SLC36A4: variants seen among roughly 807,000 people sequenced by gnomAD.
The protein encoded by SLC36A4 is neutral amino acid uniporter 4.
Under a neutral mutation model 50.5 loss-of-function variants are expected in SLC36A4, and 49 were observed. The ratio of observed to expected loss-of-function variants is 0.97; its 90% CI spans 0.77 to 1.23. The LOEUF is 1.23. Among genes scored for constraint, SLC36A4 ranks in the 50% most tolerant of loss-of-function variants. The probability of loss-of-function intolerance (pLI) is 0.00; values close to 1 mark genes in which losing one functional copy is unlikely to be tolerated. For missense variants in SLC36A4, 611 were observed against 608.4 expected, an observed-to-expected ratio of 1.00 and a Z score of -0.05; for synonymous variants, 207 against 206.5, an observed-to-expected ratio of 1.00 and a Z score of -0.02.
At chr11:93,158,892 C>T (rs1860489260) in intron 9 of SLC36A4, among the ~76,000 whole-genome samples, 2 of 151,888 alleles carry the variant, frequency 1.3e-5, no homozygotes, top group South Asian at 2.1e-4. Context: ...TTTGAGGGTA[C>T]AAAAAACATC....
At chr11:93,181,024 T>C (rs919029003) in intron 5 of SLC36A4, 143 bp from the exon 6 acceptor site, 4 of 627,100 alleles carry the variant, frequency 6.4e-6, no homozygotes, top group Non-Finnish European at 1.1e-5. Context: ...GAGCAGTTCA[T>C]GCCAAATCTA....
At chr11:93,184,351 T>C (rs1179735779) in intron 3 of SLC36A4, 79 bp downstream of exon 3, 16 of 861,694 alleles carry the variant, frequency 1.9e-5, no homozygotes, top group Admixed American at 4.1e-5. Flanking sequence ...AGGTTATATT[T>C]GACTAGGCCA....
intron 8 of SLC36A4, among the ~76,000 whole-genome samples, chr11:93,165,273 T>C (rs1209659659): frequency 6.6e-6 from 1 of 152,150 alleles, no homozygotes; most frequent in African/African-American, 2.4e-5. Flanking sequence ...GATTCTATTT[T>C]CCCCAAGTCT....
intron 3 of SLC36A4, among the ~76,000 whole-genome samples, chr11:93,183,311 T>G (rs1294124288): frequency 6.6e-6 from 1 of 152,230 alleles, no homozygotes; most frequent in Non-Finnish European, 1.5e-5. Flanking sequence ...GACTGCTTCT[T>G]GGGTACTTAC....
intron 9 of SLC36A4, chr11:93,160,476 C>T (rs1157350550): frequency 1.0e-6 from 1 of 985,272 alleles, no homozygotes; most frequent in Non-Finnish European, 1.2e-6. Flanking sequence ...TGGAAAGTCA[C>T]AGCAATTAGG....
At chr11:93,149,763 C>T (rs1005383032) in intron 10 of SLC36A4, among the ~76,000 whole-genome samples, 1 of 151,820 alleles carries the variant, frequency 6.6e-6, no homozygotes, top group African/African-American at 2.4e-5. Context: ...ATGTCCTGGA[C>T]CAGAAAAGGA....
At chr11:93,191,620 G>C (rs563056817) in intron 1 of SLC36A4, among the ~76,000 whole-genome samples, 83 of 152,226 alleles carry the variant, frequency 5.5e-4, no homozygotes, top group African/African-American at 1.9e-3. Flanking sequence ...CTCTCTCTGG[G>C]AACTGCCTGT....
At chr11:93,178,545 T>G (rs574400545) in intron 6 of SLC36A4, among the ~76,000 whole-genome samples, 1 of 152,332 alleles carries the variant, frequency 6.6e-6, no homozygotes, top group South Asian at 2.1e-4. Context: ...TTTAATTTTT[T>G]TTTGCAGCTT....
Position 93,197,858 on chromosome 11 carries a change from C to G in SLC36A4, c.-26G>C, listed in dbSNP as rs947273015. The G allele has an allele frequency of 1.0e-5, 16 of 1,533,316 alleles. No homozygotes were observed. The highest frequency in any genetic ancestry group is 1.2e-5 in the Non-Finnish European group (14 of 1,147,230). 95.0% of individuals were successfully genotyped at this position (1,533,316 alleles called of 1,614,324 possible). ...CTCTCGCGGGTCTCCAGGACGCCGC[C>G]GCCCGAGTGCTCACTCTCCCGCCGC... On this transcript the variant is annotated 5_prime_UTR_variant, in exon 1 of 11. Transcript: ENST00000326402.
At chr11:93,176,683 T>G (rs1486558301) in intron 6 of SLC36A4, among the ~76,000 whole-genome samples, 1 of 152,138 alleles carries the variant, frequency 6.6e-6, no homozygotes, top group Non-Finnish European at 1.5e-5. Flanking sequence ...GTCTGTAAAG[T>G]ATTTTATTTC....
intron 10 of SLC36A4, among the ~76,000 whole-genome samples, chr11:93,151,719 T>C (rs1860094830): frequency 6.6e-6 from 1 of 152,020 alleles, no homozygotes; most frequent in East Asian, 1.9e-4. Context: ...AACAAGGACT[T>C]TTAAAAAATT....
At chr11:93,185,451 A>G (rs1172731433) in intron 2 of SLC36A4, 6 of 325,160 alleles carry the variant, frequency 1.8e-5, no homozygotes, top group Non-Finnish European at 5.5e-6. Flanking sequence ...CCACTTAATC[A>G]GATCTCCCTT....
At chr11:93,182,932 A>G (rs759035694) in intron 3 of SLC36A4, 38 bp from the exon 4 acceptor site, 1 of 1,419,416 alleles carries the variant, frequency 7.0e-7, no homozygotes, top group South Asian at 1.2e-5. Context: ...TAAATATTTA[A>G]CAGAAATTGA....
intron 10 of SLC36A4, among the ~76,000 whole-genome samples, chr11:93,153,788 C>T (rs930514256): frequency 6.6e-6 from 1 of 151,930 alleles, no homozygotes; most frequent in Non-Finnish European, 1.5e-5. Context: ...CTGAGAAAAA[C>T]TAGAACCAAA....
Position 93,176,432 on chromosome 11 carries a change from A to C in SLC36A4, c.540+4365T>G, listed in dbSNP as rs1045151028. Among the ~76,000 whole-genome samples the C allele has an allele frequency of 5.5e-4, 83 of 152,098 alleles. 1 individual carries two copies. The highest frequency in any genetic ancestry group is 4.7e-3 in the Admixed American group (72 of 15,276). On this transcript the variant is annotated intron_variant, in intron 6 of 10. Transcript: ENST00000326402. ...GCCAGTCTATGTCTTTTAATTGGAG[A>C]ATTTAGTCCATTTACATTTAAAGTT... is the stretch of plus-strand genomic sequence containing the variant.
At position 93,146,320 on chromosome 11, in the gene SLC36A4, AAAT is replaced by A. The variant is rs1340713569; in HGVS notation, c.*2214_*2216del. ...CAAAAATCTAATGCTGCTTCCTATT[AAAT>A]AATAATTTTCAACTCATTTTATATC... On this transcript the variant is annotated 3_prime_UTR_variant, in exon 11 of 11. Transcript: ENST00000326402. 1.3e-5 allele frequency: 2 copies of A among 152,012 alleles called. No individual in the cohort carries two copies. Among genetic ancestry groups the A allele is most frequent in the Non-Finnish European group, 2.9e-5 (2 of 67,958 alleles). The allele number at this position is 152,012 out of a possible 1,614,324, so 9.4% of individuals were successfully genotyped here.
In SLC36A4 at chr11:93,144,928, T is replaced by C. The variant is rs993098257; in HGVS notation, c.*3609A>G. ...TTATTTTATTCCTCAACAGATGGTA[T>C]TGAGCCACTGATGCTATTTAAATAA... On this transcript the variant is annotated 3_prime_UTR_variant, in exon 11 of 11. Coordinates refer to ENST00000326402, the MANE Select transcript of SLC36A4 (RefSeq NM_152313.4). 3 of 152,172 alleles carry C rather than the reference T, an allele frequency of 2.0e-5. No individual in the cohort carries two copies. The highest frequency in any genetic ancestry group is 4.8e-5 in the African/African-American group (2 of 41,570). The allele number at this position is 152,172 out of a possible 1,614,324, so 9.4% of individuals were successfully genotyped here. A position where few individuals can be genotyped will look rare whatever the true frequency, so the allele number is the denominator to read the frequency against.
At chr11:93,177,035 C>T (rs950063340) in intron 6 of SLC36A4, among the ~76,000 whole-genome samples, 1 of 152,176 alleles carries the variant, frequency 6.6e-6, no homozygotes, top group East Asian at 1.9e-4. Context: ...TGGATAATAT[C>T]CTGAAGAGTG....
chr11:93,152,509 T>C (rs1325461182), intron 10 of SLC36A4: 2 of 152,120 alleles, frequency 1.3e-5, no homozygotes, highest in Non-Finnish European at 2.9e-5. Flanking sequence ...ATCCCATATA[T>C]GGATGAGAAG....
Sources: allele counts gnomAD v4.1 joint callset (sites outside exome capture counted in the v4.1 genomes callset), GRCh38; gene constraint gnomAD v4.1.1; transcripts MANE v1.5; gene names NCBI Gene and HGNC (gene_info 2026-07-23, HGNC 2026-07-21).